The following RSU1 variants were observed in gnomAD, a reference collection of about 807,000 sequenced individuals.
RSU1 encodes the protein Ras suppressor protein 1.
A neutral mutation model predicts 31.1 loss-of-function variants in RSU1; 26 were observed. The ratio of observed to expected loss-of-function variants is 0.84; its 90% CI spans 0.61 to 1.16. RSU1 has a LOEUF of 1.16. Among genes scored for constraint, RSU1 ranks in the 50% most tolerant of loss-of-function variants. RSU1 has a pLI of 0.00. For missense variants in RSU1, 320 were observed against 339.1 expected, an observed-to-expected ratio of 0.94 and a Z score of 0.44; for synonymous variants, 164 against 136.3, an observed-to-expected ratio of 1.20 and a Z score of -1.41.
At chr10:16,686,221 G>C (rs1205014324) in intron 8 of RSU1, among the ~76,000 whole-genome samples, 1 of 152,180 alleles carries the variant, frequency 6.6e-6, no homozygotes, top group Non-Finnish European at 1.5e-5. Context: ...AGTTATTACT[G>C]TGTAGAGATT....
chr10:16,817,111 G>A (rs757007853), intron 1 of RSU1, 27 bp from the exon 2 acceptor site: 1 of 1,504,756 alleles, frequency 6.6e-7, no homozygotes. Flanking sequence ...CAAAGCACGT[G>A]GGCGATGACA....
intron 7 of RSU1, 108 bp downstream of exon 7, chr10:16,752,431 G>A (rs1836997233): frequency 1.3e-6 from 1 of 773,320 alleles, no homozygotes; most frequent in African/African-American, 1.7e-5. Flanking sequence ...CGTGTGCCTA[G>A]GTGGAGAGTA....
rs11254168 is a variant in RSU1 at position 16,738,402 on chromosome 10, G to C, written c.598+14137C>G. 4.0e-3 allele frequency among the ~76,000 whole-genome samples: 608 copies of C among 152,260 alleles called. 5 individuals carry two copies. The highest frequency in any genetic ancestry group is 0.014 in the African/African-American group (585 of 41,552). On this transcript the variant is annotated intron_variant, in intron 7 of 8. Coordinates refer to ENST00000345264, the MANE Select transcript of RSU1 (RefSeq NM_012425.4). ...GGAGGCGGAGCATGCAGTGAGCCGA[G>C]ATAGCGCCACTGGACTCTGGCCTGT...
rs1250572686 is a variant in RSU1 at position 16,593,359 on chromosome 10, AG to A, written c.*34del. On this transcript the variant is annotated 3_prime_UTR_variant, in exon 9 of 9. Transcript: ENST00000345264. ...GAGAGAATGAAGTGTTGGAGAGAGA[AG>A]GTGCTGGAAGGCCAGCCGATGCCAA... is the stretch of plus-strand genomic sequence containing the variant. 1 of 1,613,884 alleles carries A rather than the reference AG, an allele frequency of 6.2e-7. No individual in the cohort carries two copies. Among genetic ancestry groups the A allele is most frequent in the Non-Finnish European group, 8.5e-7 (1 of 1,179,872 alleles).
At chr10:16,597,039 T>C (rs924452967) in intron 8 of RSU1, among the ~76,000 whole-genome samples, 1 of 152,194 alleles carries the variant, frequency 6.6e-6, no homozygotes, top group African/African-American at 2.4e-5. Context: ...ATTCTAAAAG[T>C]TGACAGAAAG....
At chr10:16,737,972 C>T (rs1001626986) in intron 7 of RSU1, among the ~76,000 whole-genome samples, 10 of 152,252 alleles carry the variant, frequency 6.6e-5, no homozygotes, top group South Asian at 2.1e-4. Context: ...AATTAGAAAT[C>T]AGTAACAAAA....
intron 8 of RSU1, among the ~76,000 whole-genome samples, chr10:16,618,524 C>T (rs916031627): frequency 6.6e-6 from 1 of 152,186 alleles, no homozygotes; most frequent in Non-Finnish European, 1.5e-5. Flanking sequence ...GACACATGCA[C>T]ACGTATATTT....
intron 8 of RSU1, among the ~76,000 whole-genome samples, chr10:16,652,994 G>A (rs1054046969): frequency 6.6e-6 from 1 of 151,952 alleles, no homozygotes; most frequent in Non-Finnish European, 1.5e-5. Context: ...AATTTTTAAT[G>A]AATCTTTCTT....
At chr10:16,709,039 T>C (rs973567914) in intron 7 of RSU1, among the ~76,000 whole-genome samples, 26 of 152,062 alleles carry the variant, frequency 1.7e-4, no homozygotes, top group South Asian at 4.1e-4. Context: ...AGGGTACATG[T>C]GCACAATGTG....
chr10:16,770,061 C>G (rs1846509983), intron 3 of RSU1, among the ~76,000 whole-genome samples: 1 of 152,178 alleles, frequency 6.6e-6, no homozygotes, highest in South Asian at 2.1e-4. Flanking sequence ...GTCACCTGCT[C>G]TACTGCTTGG....
intron 8 of RSU1, among the ~76,000 whole-genome samples, chr10:16,651,979 A>T (rs1834691520): frequency 6.6e-6 from 1 of 152,230 alleles, no homozygotes; most frequent in African/African-American, 2.4e-5. Context: ...CTCAAAATTG[A>T]CAGTAACTCA....
In RSU1 at chr10:16,666,928, G is replaced by A. The variant is rs187167882; in HGVS notation, c.731+28095C>T. Among the ~76,000 whole-genome samples, 505 of 152,118 alleles carry A rather than the reference G, an allele frequency of 3.3e-3. 5 individuals are homozygous for A. The Middle Eastern group carries it at 0.034, about 10-fold the overall frequency. On this transcript the variant is annotated intron_variant, in intron 8 of 8. Coordinates refer to ENST00000345264, the MANE Select transcript of RSU1 (RefSeq NM_012425.4). ...TGCTTGAACCCCAGCATTGCGGGGC[G>A]AAGGTTGCAGTGAGTTGAGATTACG...
chr10:16,655,602 TGTTA>T (rs1834763403), intron 8 of RSU1, among the ~76,000 whole-genome samples: 1 of 152,222 alleles, frequency 6.6e-6, no homozygotes, highest in Non-Finnish European at 1.5e-5. Flanking sequence ...TTCATAAAAT[TGTTA>T]ATTATATATG....
At chr10:16,769,451 G>C (rs1014453334) in intron 3 of RSU1, among the ~76,000 whole-genome samples, 1 of 152,244 alleles carries the variant, frequency 6.6e-6, no homozygotes, top group Non-Finnish European at 1.5e-5. Flanking sequence ...CTGCATGGCA[G>C]GGATACTGAC....
chr10:16,602,660 C>G (rs1445069036), intron 8 of RSU1, among the ~76,000 whole-genome samples: 2 of 152,172 alleles, frequency 1.3e-5, no homozygotes, highest in Non-Finnish European at 2.9e-5. Flanking sequence ...ATATGCTGTT[C>G]TGAAGTCGTT....
intron 2 of RSU1, among the ~76,000 whole-genome samples, chr10:16,789,441 G>A (rs548382588): frequency 1.0e-3 from 156 of 152,296 alleles, no homozygotes; most frequent in Middle Eastern, 3.4e-3. Flanking sequence ...GAAGCTGAAA[G>A]AATCAACAGA....
intron 2 of RSU1, among the ~76,000 whole-genome samples, chr10:16,793,324 TCTCA>T (rs1356775135): frequency 6.6e-6 from 1 of 152,088 alleles, no homozygotes; most frequent in Non-Finnish European, 1.5e-5. Context: ...TTAAGTCCTC[TCTCA>T]ATCAATGACA....
rs1833535061 is a variant in RSU1, at chr10:16,592,963, T to C, written c.*431A>G. On this transcript the variant is annotated 3_prime_UTR_variant, in exon 9 of 9. Coordinates refer to ENST00000345264, the MANE Select transcript of RSU1 (RefSeq NM_012425.4). ...CATTTGTAAGTTAAATTAGCATATCTCGGTGGTGAAGGAAGACTTTTAATA... is the reference window on the plus strand; with the variant it reads ...CATTTGTAAGTTAAATTAGCATATCCCGGTGGTGAAGGAAGACTTTTAATA... 1 of 154,582 alleles carries C rather than the reference T, an allele frequency of 6.5e-6. No homozygotes were observed. Among genetic ancestry groups the C allele is most frequent in the South Asian group, 2.0e-4 (1 of 4,930 alleles). The allele number at this position is 154,582 out of a possible 1,614,324, so 9.6% of individuals were successfully genotyped here. A position where few individuals can be genotyped will look rare whatever the true frequency, so the allele number is the denominator to read the frequency against.
intron 8 of RSU1, among the ~76,000 whole-genome samples, chr10:16,659,394 T>C (rs1834848353): frequency 6.6e-6 from 1 of 151,790 alleles, no homozygotes; most frequent in Non-Finnish European, 1.5e-5. Context: ...AATACAAATA[T>C]TCAATATACC....
Sources: allele counts gnomAD v4.1 joint callset (sites outside exome capture counted in the v4.1 genomes callset), GRCh38; gene constraint gnomAD v4.1.1; transcripts MANE v1.5; gene names NCBI Gene and HGNC (gene_info 2026-07-23, HGNC 2026-07-21).